Variants in NKAIN2 observed in about 807,000 individuals in gnomAD.
The protein encoded by NKAIN2 is sodium/potassium transporting ATPase interacting 2.
Under a neutral mutation model 32.6 loss-of-function variants are expected in NKAIN2, and 14 were observed. The ratio of observed to expected loss-of-function variants is 0.43; its 90% CI spans 0.28 to 0.67. The LOEUF (loss-of-function observed/expected upper bound fraction) is 0.67, where lower values mean the gene tolerates loss of function less well. Ranked by LOEUF, NKAIN2 falls within the 30% of genes least tolerant of loss-of-function variation. The pLI, the probability that NKAIN2 is intolerant of heterozygous loss-of-function variation, is 0.17. For missense variants in NKAIN2, 198 were observed against 258.3 expected, an observed-to-expected ratio of 0.77 and a Z score of 1.60; for synonymous variants, 80 against 87.2, an observed-to-expected ratio of 0.92 and a Z score of 0.46.
intron 2 of NKAIN2, among the ~76,000 whole-genome samples, chr6:124,351,278 G>C (rs1221180765): frequency 6.6e-6 from 1 of 151,924 alleles, no homozygotes; most frequent in African/African-American, 2.4e-5. Context: ...AGTTTGAGAG[G>C]CTGAGGCAGG....
At chr6:124,704,862 G>C (rs1583679321) in intron 4 of NKAIN2, among the ~76,000 whole-genome samples, 1 of 151,870 alleles carries the variant, frequency 6.6e-6, no homozygotes, top group South Asian at 2.1e-4. Context: ...AAACAACAGA[G>C]GGAGTGCTAT....
rs1050396057 is a variant in NKAIN2 at position 123,926,543 on chromosome 6, G to A, written c.54+122289G>A. Among the ~76,000 whole-genome samples the A allele has an allele frequency of 2.1e-4, 32 of 152,024 alleles. 1 individual carries two copies. Among genetic ancestry groups the A allele is most frequent in the African/African-American group, 3.6e-4 (15 of 41,442 alleles). ...CCGCTGCAGTGTTCCCCAGATGCCC[G>A]CTGCAGTGTTTTCCAGATTCCTGCT... is the stretch of plus-strand genomic sequence containing the variant. On this transcript the variant is annotated intron_variant, in intron 1 of 6. Coordinates refer to ENST00000368417, the MANE Select transcript of NKAIN2 (RefSeq NM_001040214.3).
chr6:124,587,073 A>G (rs937577529), intron 3 of NKAIN2, among the ~76,000 whole-genome samples: 1 of 152,220 alleles, frequency 6.6e-6, no homozygotes, highest in African/African-American at 2.4e-5. Context: ...ATTTGGGAGA[A>G]TAATGGAACT....
At chr6:124,797,720 G>GTT (rs939088764) in intron 5 of NKAIN2, among the ~76,000 whole-genome samples, 1 of 152,018 alleles carries the variant, frequency 6.6e-6, no homozygotes, top group African/African-American at 2.4e-5. Context: ...CATTCTGTAT[G>GTT]TTTTTATCAT....
In NKAIN2 at chr6:124,777,516, A is replaced by C. The variant is rs190920861; in HGVS notation, c.475-13823A>C. ...TTGTGAGGAGTAAGAATTTATGCAT[A>C]AACAGTGCTTGGCACAGAATGAATA... On this transcript the variant is annotated intron_variant, in intron 4 of 6. Transcript: ENST00000368417. 4.2e-3 allele frequency among the ~76,000 whole-genome samples: 646 copies of C among 152,346 alleles called. 5 individuals carry two copies. The highest frequency in any genetic ancestry group is 0.014 in the Middle Eastern group (4 of 294).
intron 4 of NKAIN2, among the ~76,000 whole-genome samples, chr6:124,694,014 G>T (rs1242835125): frequency 6.6e-6 from 1 of 152,160 alleles, no homozygotes; most frequent in Non-Finnish European, 1.5e-5. Context: ...AGCTGTCCTT[G>T]CCATAAAAAT....
intron 3 of NKAIN2, among the ~76,000 whole-genome samples, chr6:124,485,116 T>C (rs953805890): frequency 6.6e-6 from 1 of 152,170 alleles, no homozygotes; most frequent in Admixed American, 6.5e-5. Flanking sequence ...TGAGCTACTG[T>C]TGCTCTGGTT....
chr6:124,790,922 T>C (rs1162245221), intron 4 of NKAIN2, among the ~76,000 whole-genome samples: 3 of 152,114 alleles, frequency 2.0e-5, no homozygotes, highest in Non-Finnish European at 4.4e-5. Context: ...CTTAATGTCT[T>C]CCCTCAAAGC....
intron 1 of NKAIN2, among the ~76,000 whole-genome samples, chr6:123,917,766 A>C (rs577175131): frequency 1.3e-5 from 2 of 152,168 alleles, no homozygotes; most frequent in Non-Finnish European, 2.9e-5. Context: ...AACACATTAC[A>C]GGAAGATTTC....
At chr6:123,857,350 A>G (rs2114970588) in intron 1 of NKAIN2, among the ~76,000 whole-genome samples, 1 of 152,150 alleles carries the variant, frequency 6.6e-6, no homozygotes, top group Non-Finnish European at 1.5e-5. Flanking sequence ...GTAGTCTGTA[A>G]TGGTTCCTAA....
chr6:124,190,249 A>C (rs1789949689), intron 1 of NKAIN2, among the ~76,000 whole-genome samples: 1 of 152,196 alleles, frequency 6.6e-6, no homozygotes, highest in African/African-American at 2.4e-5. Context: ...TAATTATTAG[A>C]TATTACAGGG....
At chr6:124,127,834 C>G (rs1266686001) in intron 1 of NKAIN2, among the ~76,000 whole-genome samples, 1 of 151,766 alleles carries the variant, frequency 6.6e-6, no homozygotes. Context: ...TTGCTATTCC[C>G]GTTTTTTTTT....
intron 3 of NKAIN2, among the ~76,000 whole-genome samples, chr6:124,390,181 C>T (rs1004408431): frequency 3.9e-5 from 6 of 152,016 alleles, no homozygotes; most frequent in East Asian, 1.9e-4. Context: ...AACTCAAAGG[C>T]GGGTGGGTGA....
chr6:123,812,868 A>G (rs1340871401), intron 1 of NKAIN2, among the ~76,000 whole-genome samples: 1 of 152,234 alleles, frequency 6.6e-6, no homozygotes, highest in African/African-American at 2.4e-5. Flanking sequence ...TTTGAAATGG[A>G]GGAATCAAAT....
At chr6:124,724,265 G>C (rs970649351) in intron 4 of NKAIN2, among the ~76,000 whole-genome samples, 1 of 151,880 alleles carries the variant, frequency 6.6e-6, no homozygotes, top group African/African-American at 2.4e-5. Context: ...AGACAAACCA[G>C]AGCACAGCAC....
chr6:123,933,671 T>C (rs1163599899), intron 1 of NKAIN2, among the ~76,000 whole-genome samples: 6 of 152,206 alleles, frequency 3.9e-5, no homozygotes, highest in Admixed American at 1.3e-4. Context: ...TAGAATGCCA[T>C]TGCTTCCTTT....
intron 4 of NKAIN2, among the ~76,000 whole-genome samples, chr6:124,746,386 G>A (rs915163110): frequency 5.3e-5 from 8 of 151,788 alleles, no homozygotes; most frequent in African/African-American, 1.7e-4. Flanking sequence ...AGTTTAAAAA[G>A]AAGTACAAAG....
chr6:124,368,630 G>A (rs956473499), intron 3 of NKAIN2, among the ~76,000 whole-genome samples: 17 of 152,044 alleles, frequency 1.1e-4, no homozygotes, highest in African/African-American at 3.9e-4. Flanking sequence ...GAAAATGTTC[G>A]TAGAAGGTCC....
intron 3 of NKAIN2, among the ~76,000 whole-genome samples, chr6:124,549,068 T>C (rs1269615638): frequency 6.6e-6 from 1 of 151,066 alleles, no homozygotes; most frequent in Non-Finnish European, 1.5e-5. Flanking sequence ...AGAAATGAGG[T>C]CAAAGGTGGC....
Sources: allele counts gnomAD v4.1 joint callset (sites outside exome capture counted in the v4.1 genomes callset), GRCh38; gene constraint gnomAD v4.1.1; transcripts MANE v1.5; gene names NCBI Gene and HGNC (gene_info 2026-07-23, HGNC 2026-07-21).